Variants in POLD3 observed in about 807,000 individuals in gnomAD.
POLD3 encodes the protein DNA polymerase delta 3, accessory subunit.
In POLD3, 19 loss-of-function variants were observed where a neutral mutation model predicts 58.2. That is an observed-to-expected ratio of 0.33 (90% CI 0.23 to 0.48). The LOEUF is 0.48. Among genes scored for constraint, POLD3 ranks in the 20% least tolerant of loss-of-function variants. The probability of loss-of-function intolerance (pLI) is 0.99; values close to 1 mark genes in which losing one functional copy is unlikely to be tolerated. For missense variants in POLD3, 504 were observed against 545.5 expected (o/e 0.92, Z 0.76); for synonymous variants, 172 against 193.5 (o/e 0.89, Z 0.92).
intron 9 of POLD3, among the ~76,000 whole-genome samples, chr11:74,634,212 TTACTG>T (rs1188929383): frequency 6.6e-6 from 1 of 152,168 alleles, no homozygotes; most frequent in Non-Finnish European, 1.5e-5. Context: ...GAACCTCTAT[TTACTG>T]TAATGTGCAA....
Position 74,592,911 on chromosome 11 carries a change from A to T in POLD3, c.60+193A>T. 2.1e-6 allele frequency: 3 copies of T among 1,422,920 alleles called. No homozygotes were observed. In the South Asian group the frequency reaches 4.5e-5, roughly 21 times the overall value. The allele number at this position is 1,422,920 out of a possible 1,614,324, so 88.1% of individuals were successfully genotyped here. A position where few individuals can be genotyped will look rare whatever the true frequency, so the allele number is the denominator to read the frequency against. On this transcript the variant is annotated intron_variant, in intron 1 of 11. Transcript: ENST00000263681. The stretch of plus-strand genomic sequence containing the variant: ...TCGTCGGGAAGGTCCTCCAGCACAC[A>T]CGGAAGTCCGCGTCCCTTGGGTGGG...
intron 2 of POLD3, among the ~76,000 whole-genome samples, chr11:74,600,546 A>G (rs2031452909): frequency 6.6e-6 from 1 of 151,816 alleles, no homozygotes; most frequent in African/African-American, 2.4e-5. Context: ...GAGGCAGGAA[A>G]ATCACTTGAA....
chr11:74,596,598 TCA>T (rs979123824), intron 2 of POLD3, among the ~76,000 whole-genome samples: 3 of 152,260 alleles, frequency 2.0e-5, no homozygotes, highest in African/African-American at 4.8e-5. Context: ...ATGTATTACA[TCA>T]CACAGTTATT....
chr11:74,630,592 A>G (rs77576883), intron 9 of POLD3, among the ~76,000 whole-genome samples: 3,076 of 152,278 alleles, frequency 0.02, 120 homozygotes, highest in African/African-American at 0.07. Flanking sequence ...CAAATGCTGT[A>G]TTTTCATTCC....
chr11:74,664,927 CTG>C (rs1460082638), intron 4 of POLD3, among the ~76,000 whole-genome samples: 3 of 151,054 alleles, frequency 2.0e-5, no homozygotes, highest in Non-Finnish European at 4.4e-5. Flanking sequence ...TGCTGAAACT[CTG>C]TCTCTACTAA....
chr11:74,611,958 GT>G (rs1395439195), intron 4 of POLD3, among the ~76,000 whole-genome samples: 1 of 152,152 alleles, frequency 6.6e-6, no homozygotes, highest in Non-Finnish European at 1.5e-5. Flanking sequence ...CAGTGCTACC[GT>G]TGGATTGTTT....
intron 10 of POLD3, among the ~76,000 whole-genome samples, chr11:74,635,539 CA>C (rs1591317202): frequency 6.6e-6 from 1 of 152,188 alleles, no homozygotes; most frequent in East Asian, 1.9e-4. Flanking sequence ...AATATCTGGG[CA>C]TGGTGGCACA....
At chr11:74,598,125 C>T (rs1591286857) in intron 2 of POLD3, among the ~76,000 whole-genome samples, 1 of 152,176 alleles carries the variant, frequency 6.6e-6, no homozygotes, top group Middle Eastern at 3.4e-3. Context: ...GAAAAAAATG[C>T]TTTAGTTCCT....
At chr11:74,650,812 A>T (rs1445157512) in intron 4 of POLD3, among the ~76,000 whole-genome samples, 3 of 152,174 alleles carry the variant, frequency 2.0e-5, no homozygotes, top group Non-Finnish European at 4.4e-5. Context: ...TAGTGCCATG[A>T]CACCTGCTTT....
exon 5 of POLD3, chr11:74,668,888 C>T (rs2033306328): frequency 1.1e-6 from 1 of 881,218 alleles, no homozygotes; most frequent in Non-Finnish European, 1.6e-6. Flanking sequence ...GCCTCGGAAG[C>T]ACAGATTTAG....
chr11:74,629,225 G>A lies in POLD3; in HGVS notation c.908G>A (p.Arg303Gln), dbSNP rs537770373. ...VLQKEKKRGKRVALSDDETKE... is the reference protein window; with the variant it reads ...VLQKEKKRGKQVALSDDETKE... ...TTTCTGGATGGCAACAGGGGGAAGC[G>A]AGTAGCATTATCTGATGATGAGACA... is the stretch of plus-strand genomic sequence containing the variant. The change falls in exon 9 of 12, where the codon CGA becomes CAA. Residue 303 changes from arginine (R) to glutamine (Q), a missense_variant. Coordinates refer to ENST00000263681, the MANE Select transcript of POLD3 (RefSeq NM_006591.3). 14 of 1,591,084 alleles carry A rather than the reference G, an allele frequency of 8.8e-6. No individual in the cohort carries two copies. Among genetic ancestry groups the A allele is most frequent in the East Asian group, 6.9e-5 (3 of 43,750 alleles).
chr11:74,667,904 G>A (rs988681659), intron 4 of POLD3, among the ~76,000 whole-genome samples: 1 of 152,074 alleles, frequency 6.6e-6, no homozygotes, highest in African/African-American at 2.4e-5. Context: ...ATTGGCAAAG[G>A]GTCTGAAAAG....
intron 4 of POLD3, among the ~76,000 whole-genome samples, chr11:74,652,246 A>T (rs1388344615): frequency 6.6e-6 from 1 of 152,218 alleles, no homozygotes; most frequent in Non-Finnish European, 1.5e-5. Context: ...CCTCCAGAGC[A>T]TTATGCTTGC....
Position 74,641,079 on chromosome 11 carries a change from A to G in POLD3, c.*313A>G. 1.9e-6 allele frequency: 2 copies of G among 1,035,626 alleles called. No individual in the cohort carries two copies. Among genetic ancestry groups the G allele is most frequent in the Non-Finnish European group, 2.3e-6 (2 of 863,114 alleles). The allele number at this position is 1,035,626 out of a possible 1,614,324, so 64.2% of individuals were successfully genotyped here. On this transcript the variant is annotated 3_prime_UTR_variant, in exon 12 of 12. Coordinates refer to ENST00000263681, the MANE Select transcript of POLD3 (RefSeq NM_006591.3). ...TTCTCACTGAAGCCATTTAGTGGCT[A>G]ACCCACTGTGCTCCACTCACCCTAT... is the stretch of plus-strand genomic sequence containing the variant.
intron 4 of POLD3, among the ~76,000 whole-genome samples, chr11:74,651,081 C>A (rs1344538819): frequency 2.6e-5 from 4 of 152,354 alleles, no homozygotes; most frequent in Non-Finnish European, 4.4e-5. Context: ...TTATCACTAT[C>A]TCTGCTAATT....
intron 9 of POLD3, among the ~76,000 whole-genome samples, chr11:74,633,361 C>CA (rs1448483100): frequency 6.6e-6 from 1 of 152,180 alleles, no homozygotes; most frequent in Non-Finnish European, 1.5e-5. Context: ...TCTTGTTTCC[C>CA]AGAGCTTATA....
chr11:74,650,474 G>A (rs1170036285), intron 4 of POLD3, among the ~76,000 whole-genome samples: 1 of 152,170 alleles, frequency 6.6e-6, no homozygotes, highest in African/African-American at 2.4e-5. Flanking sequence ...AAAGCCAAAG[G>A]TCTGAGTATG....
chr11:74,612,821 T>G, intron 4 of POLD3, 57 bp from the exon 5 acceptor site: 1 of 1,502,966 alleles, frequency 6.7e-7, no homozygotes, highest in Non-Finnish European at 9.0e-7. Flanking sequence ...CTTGTTAAAG[T>G]CCCCACATGC....
intron 6 of POLD3, among the ~76,000 whole-genome samples, chr11:74,619,584 A>G (rs1359213567): frequency 6.6e-6 from 1 of 152,172 alleles, no homozygotes; most frequent in Non-Finnish European, 1.5e-5. Context: ...ACTGAAACCT[A>G]GACTTAAGTA....
Sources: gnomAD v4.1 joint callset for allele counts (sites outside exome capture counted in the v4.1 genomes callset) on GRCh38, gnomAD v4.1.1 for gene constraint, MANE v1.5 for transcripts, NCBI Gene and HGNC (gene_info 2026-07-23, HGNC 2026-07-21) for gene names.